Variants in RAB21 observed in about 807,000 individuals in gnomAD.
RAB21 encodes the protein ras-related protein Rab-21.
Under a neutral mutation model 33.1 loss-of-function variants are expected in RAB21, and 13 were observed. The observed-to-expected ratio is 0.39, with a 90% confidence interval of 0.26 to 0.62. RAB21 has a LOEUF of 0.62. RAB21 is among the 20% of genes least tolerant of loss of function. The pLI is 0.48. For missense variants in RAB21, 234 were observed against 279.1 expected (o/e 0.84, Z 1.15); for synonymous variants, 91 against 103.7 (o/e 0.88, Z 0.74).
At chr12:71,758,603 T>TC (rs1882824217) in intron 1 of RAB21, among the ~76,000 whole-genome samples, 1 of 151,364 alleles carries the variant, frequency 6.6e-6, no homozygotes, top group Non-Finnish European at 1.5e-5. Flanking sequence ...CACCTCAGCC[T>TC]CCAAGTAGCT....
At chr12:71,771,189 T>TA (rs1318062408) in intron 3 of RAB21, among the ~76,000 whole-genome samples, 1 of 152,212 alleles carries the variant, frequency 6.6e-6, no homozygotes, top group Non-Finnish European at 1.5e-5. Flanking sequence ...AGGACAGTCT[T>TA]AAAGTTATCT....
At chr12:71,782,365 TAATC>T (rs1467726656) in intron 5 of RAB21, 1 of 515,852 alleles carries the variant, frequency 1.9e-6, no homozygotes, top group African/African-American at 1.9e-5. Flanking sequence ...AGTCCCAAAT[TAATC>T]TATAAAAATT....
chr12:71,773,420 A>G (rs1245833207), intron 3 of RAB21, among the ~76,000 whole-genome samples: 1 of 152,216 alleles, frequency 6.6e-6, no homozygotes, highest in Middle Eastern at 3.2e-3. Context: ...CTGTACTAAA[A>G]TGTCAGTATT....
In RAB21 at chr12:71,792,146, A is replaced by G. The variant is rs1312603381; in HGVS notation, c.*6473A>G. The G allele has an allele frequency of 6.6e-6, 1 of 152,164 alleles. No homozygotes were observed. Among genetic ancestry groups the G allele is most frequent in the Non-Finnish European group, 1.5e-5 (1 of 68,034 alleles). The allele number at this position is 152,164 out of a possible 1,614,324, so 9.4% of individuals were successfully genotyped here. ...CTTGGCCTCTCAAAGTACTAGGATA[A>G]CAGTCATGAGCCACCATGCCCACCC... On this transcript the variant is annotated 3_prime_UTR_variant, in exon 7 of 7. Coordinates refer to ENST00000261263, the MANE Select transcript of RAB21 (RefSeq NM_014999.4).
chr12:71,796,927 G>C lies in RAB21; in HGVS notation c.*11254G>C, dbSNP rs1310648591. ...AAAAAGCATTAGATGCGATAGAATG[G>C]AATAATCTCTTTTTAGAAGTAAATT... On this transcript the variant is annotated 3_prime_UTR_variant, in exon 7 of 7. Transcript: ENST00000261263. 3 of 152,176 alleles carry C rather than the reference G, an allele frequency of 2.0e-5. No homozygotes were observed. Among genetic ancestry groups the C allele is most frequent in the African/African-American group, 4.8e-5 (2 of 41,448 alleles). 9.4% of individuals were successfully genotyped at this position (152,176 alleles called of 1,614,324 possible). A position where few individuals can be genotyped will look rare whatever the true frequency, so the allele number is the denominator to read the frequency against.
Position 71,782,015 on chromosome 12 carries a change from A to T in RAB21, c.392-16A>T, listed in dbSNP as rs905190068. The T allele has an allele frequency of 6.4e-7, 1 of 1,554,136 alleles. No homozygotes were observed. The highest frequency in any genetic ancestry group is 1.4e-5 in the African/African-American group (1 of 73,442). On this transcript the variant is annotated splice_polypyrimidine_tract_variant and intron_variant, in intron 4 of 6. Transcript: ENST00000261263. Reference sequence around the variant, plus strand: ...TAAATCAGTATAAAGATAAATATTTACTTTTTTCAAAATAGGTAATAAAAT... The same window carrying T: ...TAAATCAGTATAAAGATAAATATTTTCTTTTTTCAAAATAGGTAATAAAAT...
chr12:71,758,178 A>ATG (rs1882814475), intron 1 of RAB21, among the ~76,000 whole-genome samples: 1 of 151,826 alleles, frequency 6.6e-6, no homozygotes, highest in South Asian at 2.1e-4. Context: ...GACTACAGGC[A>ATG]TGTGCCACCA....
Position 71,795,602 on chromosome 12 carries a change from T to C in RAB21, c.*9929T>C, listed in dbSNP as rs1309057461. On this transcript the variant is annotated 3_prime_UTR_variant, in exon 7 of 7. Coordinates refer to ENST00000261263, the MANE Select transcript of RAB21 (RefSeq NM_014999.4). ...AATTACACAGAAGCTTCCAGCTACCTGGTATTTGCATGAAGAATTCTAAAT... is the reference window on the plus strand; with the variant it reads ...AATTACACAGAAGCTTCCAGCTACCCGGTATTTGCATGAAGAATTCTAAAT... 1.4e-5 allele frequency: 2 copies of C among 138,020 alleles called. No individual in the cohort carries two copies. Among genetic ancestry groups the C allele is most frequent in the Admixed American group, 7.4e-5 (1 of 13,458 alleles). The allele number at this position is 138,020 out of a possible 1,614,324, so 8.5% of individuals were successfully genotyped here.
In RAB21 at chr12:71,789,713, AACCGCATCT is replaced by A. The variant is rs1409680850; in HGVS notation, c.*4043_*4051del. ...AATAGTTAAAAGCTGGAATTTATTG[AACCGCATCT>A]ACTTGATTTCATAATATGCATTGAT... On this transcript the variant is annotated 3_prime_UTR_variant, in exon 7 of 7. Coordinates refer to ENST00000261263, the MANE Select transcript of RAB21 (RefSeq NM_014999.4). The A allele has an allele frequency of 3.9e-5, 6 of 152,146 alleles. No homozygotes were observed. Among genetic ancestry groups the A allele is most frequent in the African/African-American group, 1.4e-4 (6 of 41,456 alleles). The allele number at this position is 152,146 out of a possible 1,614,324, so 9.4% of individuals were successfully genotyped here. A position where few individuals can be genotyped will look rare whatever the true frequency, so the allele number is the denominator to read the frequency against.
Position 71,793,142 on chromosome 12 carries a change from TTTTTG to T in RAB21, c.*7473_*7477del, listed in dbSNP as rs1651060537. The T allele has an allele frequency of 6.6e-6, 1 of 152,150 alleles. No individual in the cohort carries two copies. The highest frequency in any genetic ancestry group is 2.1e-4 in the South Asian group (1 of 4,826). 9.4% of individuals were successfully genotyped at this position (152,150 alleles called of 1,614,324 possible). On this transcript the variant is annotated 3_prime_UTR_variant, in exon 7 of 7. Coordinates refer to ENST00000261263, the MANE Select transcript of RAB21 (RefSeq NM_014999.4). ...CTCCTGCTTATTTAGACAGCAGCCA[TTTTTG>T]TTTGGTTTGGTTTGGTTTTGCGGTG...
intron 1 of RAB21, among the ~76,000 whole-genome samples, chr12:71,757,644 A>G (rs1242983663): frequency 2.2e-4 from 33 of 152,240 alleles, no homozygotes; most frequent in Admixed American, 2.1e-3. Context: ...CAGAGATACC[A>G]GTTAACCTCA....
chr12:71,769,695 C>A, intron 1 of RAB21, 105 bp from the exon 2 acceptor site: 1 of 498,406 alleles, frequency 2.0e-6, no homozygotes, highest in Non-Finnish European at 3.5e-6. Context: ...ATTACTTTTT[C>A]TCCCAGATAA....
intron 1 of RAB21, among the ~76,000 whole-genome samples, chr12:71,761,094 G>T (rs1485838447): frequency 1.3e-5 from 2 of 150,872 alleles, no homozygotes; most frequent in African/African-American, 2.4e-5. Context: ...ATATTCCTGG[G>T]TACTCAGGAG....
Position 71,785,744 on chromosome 12 carries a change from T to C in RAB21, c.*71T>C. The C allele has an allele frequency of 6.5e-7, 1 of 1,528,900 alleles. No homozygotes were observed. Among genetic ancestry groups the C allele is most frequent in the Non-Finnish European group, 9.0e-7 (1 of 1,108,284 alleles). The allele number at this position is 1,528,900 out of a possible 1,614,324, so 94.7% of individuals were successfully genotyped here. A position where few individuals can be genotyped will look rare whatever the true frequency, so the allele number is the denominator to read the frequency against. On this transcript the variant is annotated 3_prime_UTR_variant, in exon 7 of 7. Transcript: ENST00000261263. Reference sequence around the variant, plus strand: ...ATTGCCCTCAACATGAAGACTGCCATATTCCAAGTCACATTATTTTACCAA... The same window carrying C: ...ATTGCCCTCAACATGAAGACTGCCACATTCCAAGTCACATTATTTTACCAA...
chr12:71,784,161 G>A (rs188448490), intron 6 of RAB21, among the ~76,000 whole-genome samples: 1 of 152,202 alleles, frequency 6.6e-6, no homozygotes, highest in East Asian at 1.9e-4. Context: ...TCTAATTTAA[G>A]AGCCCTTTTG....
intron 1 of RAB21, 35 bp downstream of exon 1, chr12:71,755,323 G>T: frequency 6.8e-7 from 1 of 1,479,522 alleles, no homozygotes; most frequent in Non-Finnish European, 8.9e-7. Flanking sequence ...GGGCGCCTCA[G>T]GGCCCCTACC....
intron 1 of RAB21, among the ~76,000 whole-genome samples, chr12:71,761,485 C>T (rs1882871532): frequency 6.6e-6 from 1 of 152,112 alleles, no homozygotes; most frequent in Non-Finnish European, 1.5e-5. Context: ...TCAAGACCAG[C>T]CTGGCTAACA....
rs1213361715 is a variant in RAB21, at chr12:71,799,796, G to T, written c.*14123G>T. On this transcript the variant is annotated 3_prime_UTR_variant, in exon 7 of 7. Coordinates refer to ENST00000261263, the MANE Select transcript of RAB21 (RefSeq NM_014999.4). ...AAGATAAAATTAATTGCACAGGCCA[G>T]GCACAGTGGTTCACACCTGTAATCC... The T allele has an allele frequency of 6.6e-6, 1 of 152,222 alleles. No homozygotes were observed. The highest frequency in any genetic ancestry group is 2.4e-5 in the African/African-American group (1 of 41,424). The allele number at this position is 152,222 out of a possible 1,614,324, so 9.4% of individuals were successfully genotyped here.
chr12:71,774,588 G>T (rs560728077), intron 4 of RAB21, among the ~76,000 whole-genome samples: 131 of 151,408 alleles, frequency 8.7e-4, no homozygotes, highest in African/African-American at 3.1e-3. Context: ...GTGAAACCCC[G>T]CTCTAATAAA....
Sources: allele counts gnomAD v4.1 joint callset (sites outside exome capture counted in the v4.1 genomes callset), GRCh38; gene constraint gnomAD v4.1.1; transcripts MANE v1.5; gene names NCBI Gene and HGNC (gene_info 2026-07-23, HGNC 2026-07-21).